The following POU6F2 variants were observed in gnomAD, a reference collection of about 807,000 sequenced individuals.
POU6F2 encodes the protein POU class 6 homeobox 2.
A neutral mutation model predicts 71.3 loss-of-function variants in POU6F2; 31 were observed. The ratio of observed to expected loss-of-function variants is 0.43; its 90% CI spans 0.33 to 0.59. POU6F2 has a LOEUF of 0.59. Ranked by LOEUF, POU6F2 falls within the 20% of genes least tolerant of loss-of-function variation. POU6F2 has a pLI of 0.04. For missense variants in POU6F2, 783 were observed against 856.8 expected (o/e 0.91, Z 1.07); for synonymous variants, 347 against 355.7 (o/e 0.98, Z 0.27).
At chr7:39,005,208 GC>G (rs1339339622) in intron 1 of POU6F2, 3 of 152,266 alleles carry the variant, frequency 2.0e-5, no homozygotes, top group African/African-American at 7.2e-5. Flanking sequence ...AAGAAGAAAA[GC>G]CTGCTGTGAA....
intron 4 of POU6F2, among the ~76,000 whole-genome samples, chr7:39,310,203 T>C (rs1274678240): frequency 6.6e-6 from 1 of 152,202 alleles, no homozygotes; most frequent in East Asian, 1.9e-4. Context: ...GAAAAAAATC[T>C]TGTAAAGGAT....
chr7:38,978,344 T>A (rs1477080370), intron 1 of POU6F2, among the ~76,000 whole-genome samples: 1 of 152,222 alleles, frequency 6.6e-6, no homozygotes, highest in Admixed American at 6.5e-5. Context: ...AAAATCTATT[T>A]TAGAAATTTG....
intron 5 of POU6F2, among the ~76,000 whole-genome samples, chr7:39,397,455 CATATAT>C (rs1787196780): frequency 7.5e-6 from 1 of 132,482 alleles, no homozygotes; most frequent in African/African-American, 2.9e-5. Context: ...AAAATATAGA[CATATAT>C]ATAGACATAG....
chr7:39,357,473 G>A lies in POU6F2; in HGVS notation c.972+17458G>A, dbSNP rs550010995. On this transcript the variant is annotated intron_variant, in intron 5 of 9. Coordinates refer to ENST00000518318, the MANE Select transcript of POU6F2 (RefSeq NM_001370959.1). ...GAGGTGGAGCTGGAGTTTGAGCCCCGGTCTGACCCCAAGGGATCCTCCCAC... is the reference window on the plus strand; with the variant it reads ...GAGGTGGAGCTGGAGTTTGAGCCCCAGTCTGACCCCAAGGGATCCTCCCAC... Among the ~76,000 whole-genome samples the A allele has an allele frequency of 3.3e-5, 5 of 152,188 alleles. No homozygotes were observed. The South Asian group carries it at 6.2e-4, about 19-fold the overall frequency.
At position 39,460,530 on chromosome 7, in the gene POU6F2, T is replaced by A; in HGVS notation, c.1490-17T>A. On this transcript the variant is annotated splice_polypyrimidine_tract_variant and intron_variant, in intron 8 of 9. Transcript: ENST00000518318. The surrounding 1 kb of genome is among the most constrained non-coding windows in gnomAD (Gnocchi z 4.4). ...TGTGTTGACGTATTGATCCTATTTT[T>A]AAAAACATCTCCACAGATCCTCAAA... 1 of 1,612,256 alleles carries A rather than the reference T, an allele frequency of 6.2e-7. No homozygotes were observed. The highest frequency in any genetic ancestry group is 8.5e-7 in the Non-Finnish European group (1 of 1,179,102).
At chr7:39,305,576 GTGGT>G (rs1785032703) in intron 4 of POU6F2, among the ~76,000 whole-genome samples, 1 of 152,204 alleles carries the variant, frequency 6.6e-6, no homozygotes, top group Admixed American at 6.5e-5. Context: ...CCTGGTATTT[GTGGT>G]TATTTGCTGT....
At chr7:39,157,371 AT>A (rs1375962921) in intron 2 of POU6F2, among the ~76,000 whole-genome samples, 1 of 151,968 alleles carries the variant, frequency 6.6e-6, no homozygotes, top group Non-Finnish European at 1.5e-5. Flanking sequence ...TTTTTTTTTA[AT>A]TTTGTAAATA....
chr7:39,071,670 C>G (rs200561136), intron 1 of POU6F2, among the ~76,000 whole-genome samples: 1 of 85,522 alleles, frequency 1.2e-5, no homozygotes, highest in Non-Finnish European at 2.6e-5. Flanking sequence ...CACACACACA[C>G]ACACACACAC....
rs764707260 is a variant in POU6F2 at position 39,204,285 on chromosome 7, C to A, written c.328C>A (p.Gln110Lys). The A allele has an allele frequency of 6.2e-7, 1 of 1,613,824 alleles. No homozygotes were observed. The highest frequency in any genetic ancestry group is 8.5e-7 in the Non-Finnish European group (1 of 1,179,826). ...LSDPGTPDQH[Q>K]ASQTHPPFPV... ...AGACCCAGGCACTCCTGACCAACAC[C>A]AGGCCAGTCAGACCCACCCCCCATT... The change falls in exon 3 of 10, where the codon CAG (glutamine) becomes AAG (lysine). Residue 110 changes from glutamine to lysine, a missense_variant. This residue lies in a region of POU6F2 where 572 missense variants were observed against 572.9 expected (regional missense o/e 1.00). Transcript: ENST00000518318.
Position 39,464,799 on chromosome 7 carries a change from C to A in POU6F2, c.*113C>A. ...AATTTAATTTAAAAATAGCCCCAGT[C>A]GTCATCACCCTTGTAAGTAAATGAC... On this transcript the variant is annotated 3_prime_UTR_variant, in exon 10 of 10. Coordinates refer to ENST00000518318, the MANE Select transcript of POU6F2 (RefSeq NM_001370959.1). The surrounding 1 kb of genome is among the most constrained non-coding windows in gnomAD (Gnocchi z 4.1). 1.6e-6 allele frequency: 2 copies of A among 1,227,942 alleles called. No homozygotes were observed. The highest frequency in any genetic ancestry group is 2.2e-6 in the Non-Finnish European group (2 of 908,488). The allele number at this position is 1,227,942 out of a possible 1,614,324, so 76.1% of individuals were successfully genotyped here.
intron 1 of POU6F2, among the ~76,000 whole-genome samples, chr7:39,059,259 A>G (rs946167383): frequency 1.3e-5 from 2 of 152,104 alleles, no homozygotes; most frequent in African/African-American, 4.8e-5. Flanking sequence ...ATAATTAGGA[A>G]AGGAAAGTAA....
At chr7:39,216,539 A>C (rs961582314) in intron 4 of POU6F2, among the ~76,000 whole-genome samples, 6 of 152,156 alleles carry the variant, frequency 3.9e-5, no homozygotes. Context: ...AGGTGAATTT[A>C]AAGGAGTACA....
At chr7:39,012,246 C>T (rs1225251226) in intron 1 of POU6F2, among the ~76,000 whole-genome samples, 2 of 151,866 alleles carry the variant, frequency 1.3e-5, no homozygotes, top group African/African-American at 2.4e-5. Flanking sequence ...TTTCTCTAGA[C>T]TTCTCTTCTC....
At chr7:39,153,619 T>A (rs959708375) in intron 2 of POU6F2, among the ~76,000 whole-genome samples, 1 of 152,188 alleles carries the variant, frequency 6.6e-6, no homozygotes, top group Non-Finnish European at 1.5e-5. Flanking sequence ...AATTAAAAGA[T>A]TAATTAAAAG....
intron 2 of POU6F2, among the ~76,000 whole-genome samples, chr7:39,188,433 T>C (rs991566589): frequency 1.3e-5 from 2 of 152,118 alleles, no homozygotes; most frequent in African/African-American, 4.8e-5. Flanking sequence ...ATGCCTCAGC[T>C]TCCCAAGTAG....
chr7:39,079,865 T>C (rs1415570667), intron 1 of POU6F2, among the ~76,000 whole-genome samples: 1 of 152,190 alleles, frequency 6.6e-6, no homozygotes, highest in Non-Finnish European at 1.5e-5. Flanking sequence ...TATAGTGAAG[T>C]GCATTATAAT....
chr7:39,448,991 C>T (rs888758516), intron 7 of POU6F2, among the ~76,000 whole-genome samples: 6 of 152,194 alleles, frequency 3.9e-5, no homozygotes, highest in Non-Finnish European at 7.3e-5. Flanking sequence ...ATTATGTGCT[C>T]AGCAGTTTGG....
intron 4 of POU6F2, among the ~76,000 whole-genome samples, chr7:39,255,871 G>A (rs1784010329): frequency 6.6e-6 from 1 of 152,150 alleles, no homozygotes; most frequent in Non-Finnish European, 1.5e-5. Context: ...CCAGCCATGA[G>A]CTCCTCCAGG....
At chr7:39,275,300 A>G (rs1297273279) in intron 4 of POU6F2, among the ~76,000 whole-genome samples, 3 of 152,218 alleles carry the variant, frequency 2.0e-5, no homozygotes, top group Non-Finnish European at 4.4e-5. Context: ...TCCCATTCAC[A>G]ATTGCTTCAA....
Sources: gnomAD v4.1 joint callset for allele counts (sites outside exome capture counted in the v4.1 genomes callset) on GRCh38, gnomAD v4.1.1 for gene constraint, gnomAD v4.1.1 regional missense constraint, Gnocchi (gnomAD v3.1) non-coding constraint, MANE v1.5 for transcripts, NCBI Gene and HGNC (gene_info 2026-07-23, HGNC 2026-07-21) for gene names.